Variants in ELMO1 observed in about 807,000 individuals in gnomAD.
The protein encoded by ELMO1 is engulfment and cell motility protein 1.
In ELMO1, 26 loss-of-function variants were observed where a neutral mutation model predicts 98.9. The ratio of observed to expected loss-of-function variants is 0.26; its 90% CI spans 0.19 to 0.36. The LOEUF (loss-of-function observed/expected upper bound fraction) is 0.36, where lower values mean the gene tolerates loss of function less well. Ranked by LOEUF, ELMO1 falls within the 10% of genes least tolerant of loss-of-function variation. The probability of loss-of-function intolerance (pLI) is 1.00; values close to 1 mark genes in which losing one functional copy is unlikely to be tolerated. For missense variants in ELMO1, 627 were observed against 935.2 expected (o/e 0.67, Z 4.30); for synonymous variants, 346 against 346.0 (o/e 1.00, Z 0.00).
chr7:37,090,531 G>A (rs547826241), intron 15 of ELMO1, among the ~76,000 whole-genome samples: 1 of 152,070 alleles, frequency 6.6e-6, no homozygotes, highest in African/African-American at 2.4e-5. Flanking sequence ...CAAACCCTCT[G>A]CATTAACTAC....
chr7:37,385,226 T>G (rs919714872), intron 1 of ELMO1, among the ~76,000 whole-genome samples: 1 of 152,208 alleles, frequency 6.6e-6, no homozygotes, highest in African/African-American at 2.4e-5. Context: ...GCTGCCCTAC[T>G]CAAAACCTTC....
intron 1 of ELMO1, among the ~76,000 whole-genome samples, chr7:37,355,222 A>G (rs1190654627): frequency 1.3e-5 from 2 of 152,196 alleles, no homozygotes. Flanking sequence ...ATTACACAAC[A>G]TGTGACCCTC....
rs562693920 is a variant in ELMO1, at chr7:36,962,540, G to A, written c.1437+50759C>T. ...GGGAAGAAGGTAAGCATGAGAGTCA[G>A]GGCATTTTTCAGGAGGAAGAATGTA... On this transcript the variant is annotated intron_variant, in intron 16 of 21. Coordinates refer to ENST00000310758, the MANE Select transcript of ELMO1 (RefSeq NM_014800.11). Among the ~76,000 whole-genome samples the A allele has an allele frequency of 3.3e-5, 5 of 152,212 alleles. No homozygotes were observed. The South Asian group carries it at 1.0e-3, about 32-fold the overall frequency.
At chr7:37,092,166 C>G (rs1483959624) in intron 15 of ELMO1, among the ~76,000 whole-genome samples, 1 of 151,998 alleles carries the variant, frequency 6.6e-6, no homozygotes, top group Non-Finnish European at 1.5e-5. Flanking sequence ...GAAAATATGT[C>G]TTGCTCACAA....
intron 4 of ELMO1, among the ~76,000 whole-genome samples, chr7:37,282,227 C>A (rs1332475708): frequency 3.3e-5 from 5 of 152,234 alleles, no homozygotes; most frequent in African/African-American, 1.2e-4. Context: ...GGCTTCCGAT[C>A]CTCTGCGTTC....
intron 16 of ELMO1, among the ~76,000 whole-genome samples, chr7:36,945,283 G>C (rs1271246401): frequency 1.3e-5 from 2 of 152,112 alleles, no homozygotes; most frequent in Non-Finnish European, 2.9e-5. Flanking sequence ...AGAATCCTCT[G>C]ACTCACTTTT....
At chr7:37,371,304 T>C (rs1802106402) in intron 1 of ELMO1, among the ~76,000 whole-genome samples, 1 of 152,198 alleles carries the variant, frequency 6.6e-6, no homozygotes, top group Non-Finnish European at 1.5e-5. Flanking sequence ...GGATCCACGC[T>C]TGAAAAGTAT....
intron 14 of ELMO1, among the ~76,000 whole-genome samples, chr7:37,116,625 C>G (rs2129282615): frequency 6.6e-6 from 1 of 151,344 alleles, no homozygotes; most frequent in Middle Eastern, 3.4e-3. Context: ...TCACTTTTTT[C>G]TCAACAAATC....
At chr7:37,366,721 T>C (rs1801917064) in intron 1 of ELMO1, among the ~76,000 whole-genome samples, 1 of 152,190 alleles carries the variant, frequency 6.6e-6, no homozygotes, top group Non-Finnish European at 1.5e-5. Flanking sequence ...CCTCCCAACA[T>C]GGTGCAGTGA....
At chr7:37,399,528 G>C (rs972964154) in intron 1 of ELMO1, among the ~76,000 whole-genome samples, 2 of 152,288 alleles carry the variant, frequency 1.3e-5, no homozygotes, top group African/African-American at 4.8e-5. Flanking sequence ...CCAAGCACTT[G>C]CCCACTAGCT....
intron 15 of ELMO1, among the ~76,000 whole-genome samples, chr7:37,017,881 G>C (rs1794033529): frequency 6.6e-6 from 1 of 152,166 alleles, no homozygotes; most frequent in Admixed American, 6.5e-5. Context: ...CTGGAGGTCA[G>C]AGAAAACACA....
chr7:37,244,462 T>A, intron 6 of ELMO1, 71 bp from the exon 7 acceptor site: 4 of 1,514,424 alleles, frequency 2.6e-6, no homozygotes, highest in Non-Finnish European at 3.6e-6. Context: ...AGAACATATC[T>A]TGAAGAAAAC....
chr7:37,081,597 C>CT (rs1797868279), intron 15 of ELMO1, among the ~76,000 whole-genome samples: 1 of 152,164 alleles, frequency 6.6e-6, no homozygotes, highest in Admixed American at 6.5e-5. Context: ...GCAAGTCTCA[C>CT]GAGACAAGGG....
At chr7:37,200,543 G>T (rs1021685661) in intron 13 of ELMO1, among the ~76,000 whole-genome samples, 1 of 152,116 alleles carries the variant, frequency 6.6e-6, no homozygotes, top group East Asian at 1.9e-4. Flanking sequence ...CACCTGTGAC[G>T]AATGGGCCAC....
At chr7:37,043,909 G>A (rs926433049) in intron 15 of ELMO1, among the ~76,000 whole-genome samples, 11 of 152,136 alleles carry the variant, frequency 7.2e-5, no homozygotes, top group African/African-American at 2.4e-4. Context: ...TCAGGTTCAT[G>A]AGCCAAGTTC....
chr7:36,990,732 C>CT (rs1035873978), intron 16 of ELMO1, among the ~76,000 whole-genome samples: 1 of 151,984 alleles, frequency 6.6e-6, no homozygotes, highest in Non-Finnish European at 1.5e-5. Context: ...TGATGTAATT[C>CT]TTATACCTTT....
rs1373746119 is a variant in ELMO1, at chr7:36,894,837, A to G, written c.1601+17T>C. 4.3e-6 allele frequency: 7 copies of G among 1,613,898 alleles called. No homozygotes were observed. Among genetic ancestry groups the G allele is most frequent in the Non-Finnish European group, 5.1e-6 (6 of 1,179,948 alleles). ...TAGAGTCTTTTGGGAGATAGAAGTC[A>G]ATACTAGGTAACTTACAAAATCGGG... On this transcript the variant is annotated intron_variant, in intron 17 of 21. Coordinates refer to ENST00000310758, the MANE Select transcript of ELMO1 (RefSeq NM_014800.11).
chr7:37,128,355 C>T (rs1416833434), intron 14 of ELMO1, among the ~76,000 whole-genome samples: 1 of 152,216 alleles, frequency 6.6e-6, no homozygotes, highest in Non-Finnish European at 1.5e-5. Flanking sequence ...CTTATTGAGA[C>T]AGCCTTGTAC....
At chr7:37,089,638 T>C (rs1480396421) in intron 15 of ELMO1, among the ~76,000 whole-genome samples, 1 of 152,206 alleles carries the variant, frequency 6.6e-6, no homozygotes, top group Non-Finnish European at 1.5e-5. Flanking sequence ...CAATCTTTGA[T>C]ATTGCTGCAT....
Sources: allele counts gnomAD v4.1 joint callset (sites outside exome capture counted in the v4.1 genomes callset), GRCh38; gene constraint gnomAD v4.1.1; transcripts MANE v1.5; gene names NCBI Gene and HGNC (gene_info 2026-07-23, HGNC 2026-07-21).